The following FILIP1L variants were observed in gnomAD, a reference collection of about 807,000 sequenced individuals.
The protein encoded by FILIP1L is filamin A interacting protein 1 like, also known as filamin A-interacting protein 1-like.
In FILIP1L, 55 loss-of-function variants were observed where a neutral mutation model predicts 96.6. That is an observed-to-expected ratio of 0.57 (90% CI 0.46 to 0.71). The LOEUF is 0.71. Ranked by LOEUF, FILIP1L falls within the 30% of genes least tolerant of loss-of-function variation. The pLI, the probability that FILIP1L is intolerant of heterozygous loss-of-function variation, is 0.00. For missense variants in FILIP1L, 1,304 were observed against 1,321.2 expected (o/e 0.99, Z 0.20); for synonymous variants, 467 against 473.9 (o/e 0.99, Z 0.19).
At chr3:100,024,786 C>T (rs1268513224) in intron 1 of FILIP1L, among the ~76,000 whole-genome samples, 5 of 152,128 alleles carry the variant, frequency 3.3e-5, no homozygotes, top group Non-Finnish European at 7.4e-5. Flanking sequence ...TGAATCTGTG[C>T]TCTCCACACT....
Position 99,850,019 on chromosome 3 carries a change from C to G in FILIP1L, c.1657G>C (p.Val553Leu), listed in dbSNP as rs769449136. 1.9e-5 allele frequency: 30 copies of G among 1,607,734 alleles called. No individual in the cohort carries two copies. The highest frequency in any genetic ancestry group is 2.1e-5 in the Non-Finnish European group (25 of 1,178,512). ...TKRALKSKTD[V>L]EEKMYSVTKE... ...GTTACGCTGTACATCTTTTCTTCTA[C>G]ATCGGTTTTGGACTTGAGCGCCCTT... The change falls in exon 5 of 6, where the codon GTA (valine) becomes CTA (leucine). Residue 553 changes from valine to leucine, a missense_variant. Val to Leu is a conservative substitution (Grantham distance 32). Coordinates refer to ENST00000477258, the MANE Select transcript of FILIP1L (RefSeq NM_001387850.1).
intron 1 of FILIP1L, among the ~76,000 whole-genome samples, chr3:100,098,017 G>A (rs941163616): frequency 2.6e-5 from 4 of 152,142 alleles, no homozygotes; most frequent in Non-Finnish European, 4.4e-5. Flanking sequence ...GTAATGGTAC[G>A]TGCCACATTG....
At chr3:100,091,217 G>A (rs1456522240) in intron 1 of FILIP1L, among the ~76,000 whole-genome samples, 2 of 151,464 alleles carry the variant, frequency 1.3e-5, no homozygotes, top group South Asian at 2.1e-4. Context: ...CCTGGAAGGC[G>A]GAACTTGCAG....
intron 1 of FILIP1L, among the ~76,000 whole-genome samples, chr3:100,056,602 CTAA>C (rs1340707207): frequency 1.3e-5 from 2 of 151,970 alleles, no homozygotes. Context: ...TTGTCATAAT[CTAA>C]TTAACACAGC....
At chr3:99,843,873 A>G (rs949708683) in intron 5 of FILIP1L, among the ~76,000 whole-genome samples, 10 of 152,180 alleles carry the variant, frequency 6.6e-5, no homozygotes, top group African/African-American at 2.4e-4. Flanking sequence ...AGATTCTCAT[A>G]GGAGCACGAA....
Position 99,829,081 on chromosome 3 carries a change from G to A in FILIP1L, c.*1333C>T, listed in dbSNP as rs1006526793. Among the ~76,000 whole-genome samples the A allele has an allele frequency of 3.3e-5, 5 of 152,086 alleles. No homozygotes were observed. Among genetic ancestry groups the A allele is most frequent in the Non-Finnish European group, 5.9e-5 (4 of 68,014 alleles). ...AGGTGGACTTAGTTAGATAAGTATG[G>A]GGAATGGGAGTTCCTTTACTCTTGC... On this transcript the variant is annotated 3_prime_UTR_variant, in exon 6 of 6. Transcript: ENST00000477258.
intron 1 of FILIP1L, among the ~76,000 whole-genome samples, chr3:100,099,551 G>A (rs907457674): frequency 4.6e-5 from 7 of 152,092 alleles, no homozygotes; most frequent in Non-Finnish European, 8.8e-5. Flanking sequence ...CCTTAACTAA[G>A]TCATTTAACT....
At chr3:99,848,106 G>A (rs1295068607) in intron 5 of FILIP1L, 189 bp downstream of exon 5, 13 of 1,439,678 alleles carry the variant, frequency 9.0e-6, no homozygotes, top group South Asian at 3.1e-5. Flanking sequence ...GTGCACACTC[G>A]ATATGACTAT....
intron 1 of FILIP1L, among the ~76,000 whole-genome samples, chr3:99,935,641 G>C (rs1559695056): frequency 1.3e-5 from 2 of 152,238 alleles, no homozygotes; most frequent in African/African-American, 4.8e-5. Context: ...TGGATCCCGT[G>C]ATAGCAGGGT....
intron 1 of FILIP1L, among the ~76,000 whole-genome samples, chr3:100,006,453 T>A (rs1293907755): frequency 6.6e-6 from 1 of 152,112 alleles, no homozygotes; most frequent in Non-Finnish European, 1.5e-5. Flanking sequence ...TTGGTTCCTA[T>A]CTTTCAGTGC....
intron 1 of FILIP1L, among the ~76,000 whole-genome samples, chr3:100,091,738 A>G (rs1276575304): frequency 6.6e-6 from 1 of 152,246 alleles, no homozygotes; most frequent in Admixed American, 6.5e-5. Context: ...TTCTACCAGT[A>G]TCATTAGTCA....
chr3:99,983,389 AATAT>A (rs397990626), intron 1 of FILIP1L, among the ~76,000 whole-genome samples: 2,304 of 40,616 alleles, frequency 0.057, 73 homozygotes, highest in East Asian at 0.23. Context: ...TAAATAAATA[AATAT>A]ATATATATAT....
At chr3:99,882,671 CTG>C (rs997578098) in intron 4 of FILIP1L, among the ~76,000 whole-genome samples, 2 of 152,142 alleles carry the variant, frequency 1.3e-5, no homozygotes, top group Admixed American at 6.5e-5. Context: ...GACCCAGTCA[CTG>C]TGTTTTCTGG....
At chr3:99,908,824 T>A (rs1383702105) in intron 4 of FILIP1L, among the ~76,000 whole-genome samples, 1 of 152,186 alleles carries the variant, frequency 6.6e-6, no homozygotes, top group African/African-American at 2.4e-5. Flanking sequence ...GTATTTTTTG[T>A]ATAGAATATA....
At chr3:99,944,000 A>G (rs1037364695) in intron 1 of FILIP1L, among the ~76,000 whole-genome samples, 2 of 152,204 alleles carry the variant, frequency 1.3e-5, no homozygotes, top group Non-Finnish European at 2.9e-5. Flanking sequence ...CTCATAGCTT[A>G]TCCTAATGGA....
chr3:100,085,879 T>C (rs1430617536), intron 1 of FILIP1L, among the ~76,000 whole-genome samples: 1 of 152,228 alleles, frequency 6.6e-6, no homozygotes, highest in African/African-American at 2.4e-5. Flanking sequence ...TGAAGAGTAA[T>C]ATACTCCCAA....
intron 1 of FILIP1L, among the ~76,000 whole-genome samples, chr3:99,950,397 T>C (rs990574019): frequency 6.6e-6 from 1 of 152,156 alleles, no homozygotes; most frequent in Non-Finnish European, 1.5e-5. Flanking sequence ...AATCAGAACT[T>C]AGAAAAGTTA....
At chr3:99,891,243 G>A (rs1706073562) in intron 4 of FILIP1L, among the ~76,000 whole-genome samples, 2 of 151,788 alleles carry the variant, frequency 1.3e-5, no homozygotes, top group Admixed American at 6.6e-5. Context: ...CTTTCGTCTG[G>A]GTAATGTGGG....
intron 1 of FILIP1L, among the ~76,000 whole-genome samples, chr3:100,061,172 G>T (rs931431371): frequency 1.3e-5 from 2 of 151,974 alleles, no homozygotes; most frequent in Non-Finnish European, 2.9e-5. Context: ...GGAAGGAAGG[G>T]TACAATTTTT....
Sources: gnomAD v4.1 joint callset for allele counts (sites outside exome capture counted in the v4.1 genomes callset) on GRCh38, gnomAD v4.1.1 for gene constraint, MANE v1.5 for transcripts, NCBI Gene and HGNC (gene_info 2026-07-23, HGNC 2026-07-21) for gene names.